The following G3BP1 variants were observed in gnomAD, a reference collection of about 807,000 sequenced individuals.
G3BP1 encodes ras GTPase-activating protein-binding protein 1.
A neutral mutation model predicts 58.6 loss-of-function variants in G3BP1; 35 were observed. The ratio of observed to expected loss-of-function variants is 0.60; its 90% CI spans 0.46 to 0.79. G3BP1 has a LOEUF of 0.79. Among genes scored for constraint, G3BP1 ranks in the 30% least tolerant of loss-of-function variants. The pLI, the probability that G3BP1 is intolerant of heterozygous loss-of-function variation, is 0.00. For synonymous variants in G3BP1, 191 were observed against 195.4 expected (o/e 0.98, Z 0.19); for missense variants, 523 against 580.8 (o/e 0.90, Z 1.02).
At chr5:151,795,837 T>C (rs1159402409) in intron 6 of G3BP1, among the ~76,000 whole-genome samples, 3 of 152,230 alleles carry the variant, frequency 2.0e-5, no homozygotes, top group African/African-American at 7.2e-5. Flanking sequence ...TTCTTGGTGT[T>C]AAGTGAAAAC....
chr5:151,796,015 TTA>T (rs943131273), intron 6 of G3BP1, among the ~76,000 whole-genome samples: 2 of 152,226 alleles, frequency 1.3e-5, no homozygotes, highest in African/African-American at 4.8e-5. Flanking sequence ...AAGTGCATCA[TTA>T]TACCTTTGGG....
intron 11 of G3BP1, among the ~76,000 whole-genome samples, 193 bp downstream of exon 11, chr5:151,801,062 G>A (rs1227673891): frequency 6.6e-6 from 1 of 152,050 alleles, no homozygotes; most frequent in East Asian, 1.9e-4. Flanking sequence ...TTATGTTTAA[G>A]TAACTTAGTT....
At position 151,793,360 on chromosome 5, in the gene G3BP1, C is replaced by T. The variant is rs886866500; in HGVS notation, c.352-799C>T. Among the ~76,000 whole-genome samples the T allele has an allele frequency of 3.1e-4, 47 of 152,154 alleles. 1 individual carries two copies. The highest frequency in any genetic ancestry group is 2.1e-4 in the South Asian group (1 of 4,832). ...CTGACCTTAGGTGATCTGCCTGCCTCGGCCTCCCAAAGTGCTGGGATTGCA... is the reference window on the plus strand; with the variant it reads ...CTGACCTTAGGTGATCTGCCTGCCTTGGCCTCCCAAAGTGCTGGGATTGCA... On this transcript the variant is annotated intron_variant, in intron 4 of 11. Transcript: ENST00000356245.
chr5:151,774,094 A>C (rs1247814919), intron 1 of G3BP1, among the ~76,000 whole-genome samples: 1 of 152,216 alleles, frequency 6.6e-6, no homozygotes, highest in Admixed American at 6.5e-5. Flanking sequence ...GAATTGAAGC[A>C]AATTGTGGTA....
Position 151,786,686 on chromosome 5 carries a change from G to A in G3BP1, c.66G>A (p.Leu22=). The A allele has an allele frequency of 6.2e-7, 1 of 1,611,688 alleles. No homozygotes were observed. Among genetic ancestry groups the A allele is most frequent in the Non-Finnish European group, 8.5e-7 (1 of 1,177,778 alleles). The change falls in exon 2 of 12, where the codon CTG becomes CTA. Residue 22 remains leucine (L), a synonymous_variant. Transcript: ENST00000356245. ...GREFVRQYYT[L]LNQAPDMLHR... ...AATTTGTGAGACAGTATTACACACTGCTGAACCAGGCCCCAGACATGCTGC... is the reference window on the plus strand; with the variant it reads ...AATTTGTGAGACAGTATTACACACTACTGAACCAGGCCCCAGACATGCTGC...
intron 6 of G3BP1, 40 bp from the exon 7 acceptor site, chr5:151,797,187 A>G (rs752287599): frequency 1.9e-6 from 3 of 1,599,128 alleles, no homozygotes; most frequent in East Asian, 4.5e-5. Context: ...TGTGAAATAA[A>G]TGGTGGCAGA....
At position 151,806,064 on chromosome 5, in the gene G3BP1, T is replaced by C. The variant is rs904348711; in HGVS notation, c.*1973T>C. On this transcript the variant is annotated 3_prime_UTR_variant, in exon 12 of 12. Transcript: ENST00000356245. ...TGGAAATGTGTGAAATTTGGAAGGG[T>C]TGTTGGAGAGACATGCATCTGGCAT... 1 of 151,914 alleles carries C rather than the reference T, an allele frequency of 6.6e-6. No homozygotes were observed. The highest frequency in any genetic ancestry group is 1.5e-5 in the Non-Finnish European group (1 of 68,010). 9.4% of individuals were successfully genotyped at this position (151,914 alleles called of 1,614,324 possible).
At chr5:151,786,833 C>A in intron 2 of G3BP1, 118 bp downstream of exon 2, 1 of 667,462 alleles carries the variant, frequency 1.5e-6, no homozygotes, top group Non-Finnish European at 2.6e-6. Context: ...TACTTATTTA[C>A]ATATAAATAT....
Position 151,803,947 on chromosome 5 carries a change from G to A in G3BP1, c.1257G>A (p.Arg419=), listed in dbSNP as rs1362476743. 1 of 1,613,874 alleles carries A rather than the reference G, an allele frequency of 6.2e-7. No homozygotes were observed. The highest frequency in any genetic ancestry group is 1.3e-5 in the African/African-American group (1 of 74,932). Residue 419 remains arginine, a synonymous_variant, in exon 12 of 12, where the codon AGG becomes AGA. Transcript: ENST00000356245. The part of the protein sequence containing the change: ...NVEEKKTRAA[R]EGDRRDNRLR... ...AAGAGAAGAAGACTCGAGCTGCCAG[G>A]GAAGGCGACCGACGAGATAATCGCC... is the stretch of plus-strand genomic sequence containing the variant.
intron 4 of G3BP1, chr5:151,792,131 T>C (rs773549489): frequency 2.2e-5 from 10 of 456,186 alleles, no homozygotes; most frequent in East Asian, 6.9e-5. Context: ...GTTATACTTA[T>C]GAAAGGACGA....
chr5:151,783,092 C>T (rs1035825089), intron 1 of G3BP1, among the ~76,000 whole-genome samples: 1 of 151,936 alleles, frequency 6.6e-6, no homozygotes, highest in Non-Finnish European at 1.5e-5. Flanking sequence ...CTCCTGACCT[C>T]GTGATCCGCC....
intron 1 of G3BP1, among the ~76,000 whole-genome samples, chr5:151,775,181 G>A (rs1199667916): frequency 6.6e-6 from 1 of 152,132 alleles, no homozygotes; most frequent in Non-Finnish European, 1.5e-5. Context: ...CATGTAATAA[G>A]TTCTTGGTAT....
chr5:151,784,518 T>C (rs1233830291), intron 1 of G3BP1, among the ~76,000 whole-genome samples: 7 of 152,200 alleles, frequency 4.6e-5, no homozygotes, highest in African/African-American at 1.7e-4. Context: ...CATTAAGTTT[T>C]GGGGCTAAAA....
chr5:151,794,096 G>A, intron 4 of G3BP1, 63 bp from the exon 5 acceptor site: 3 of 934,382 alleles, frequency 3.2e-6, no homozygotes, highest in Middle Eastern at 3.1e-4. Flanking sequence ...CACCAATGGT[G>A]TAGAGTGATT....
chr5:151,803,026 A>C (rs1465609542), intron 11 of G3BP1, among the ~76,000 whole-genome samples: 1 of 152,260 alleles, frequency 6.6e-6, no homozygotes, highest in Non-Finnish European at 1.5e-5. Flanking sequence ...AGAAAATTAC[A>C]TTGCTGGTGA....
At chr5:151,798,513 G>T (rs549415769) in intron 7 of G3BP1, among the ~76,000 whole-genome samples, 1 of 152,180 alleles carries the variant, frequency 6.6e-6, no homozygotes, top group Non-Finnish European at 1.5e-5. Flanking sequence ...AGGTTCTGGC[G>T]ATTTTTAAAT....
At chr5:151,787,457 A>ATATATAGAAAC (rs1382374948) in intron 2 of G3BP1, 1 of 152,210 alleles carries the variant, frequency 6.6e-6, no homozygotes, top group African/African-American at 2.4e-5. Context: ...CCACAGAAAC[A>ATATATAGAAAC]ATTTTTCTAT....
Position 151,797,243 on chromosome 5 carries a change from C to T in G3BP1, c.556C>T (p.His186Tyr), listed in dbSNP as rs1357461806. The change falls in exon 7 of 12, where the codon CAT becomes TAT. Residue 186 changes from histidine (H) to tyrosine (Y), a missense_variant. His to Tyr is a moderately conservative substitution (Grantham distance 83, BLOSUM62 2). This residue lies in a region of G3BP1 where 398 missense variants were observed against 399.1 expected (regional missense o/e 1.00). Transcript: ENST00000356245. ...CTGTCAAAGTAATGACATGGAAGAA[C>T]ATTTAGAGGAGCCTGTTGCTGAACC... The part of the protein sequence containing the change: ...QAVVSNDMEE[H>Y]LEEPVAEPEP... 9.3e-6 allele frequency: 15 copies of T among 1,613,252 alleles called. No homozygotes were observed. The highest frequency in any genetic ancestry group is 1.3e-5 in the Non-Finnish European group (15 of 1,179,394).
intron 1 of G3BP1, among the ~76,000 whole-genome samples, chr5:151,773,204 G>C (rs1254014966): frequency 6.6e-6 from 1 of 152,004 alleles, no homozygotes; most frequent in Non-Finnish European, 1.5e-5. Context: ...TTTGCAGAAA[G>C]ACCTTGAGAA....
Sources: gnomAD v4.1 joint callset for allele counts (sites outside exome capture counted in the v4.1 genomes callset) on GRCh38, gnomAD v4.1.1 for gene constraint, gnomAD v4.1.1 regional missense constraint, MANE v1.5 for transcripts, NCBI Gene and HGNC (gene_info 2026-07-23, HGNC 2026-07-21) for gene names.